Variants in PALS2 observed in about 807,000 individuals in gnomAD.
PALS2 encodes the protein protein associated with LIN7 2, MAGUK p55 family member.
A neutral mutation model predicts 61.6 loss-of-function variants in PALS2; 27 were observed. The observed-to-expected ratio is 0.44, with a 90% CI of 0.32 to 0.60. PALS2 has a LOEUF of 0.60. Ranked by LOEUF, PALS2 falls within the 20% of genes least tolerant of loss-of-function variation. The pLI, the probability that PALS2 is intolerant of heterozygous loss-of-function variation, is 0.05. For missense variants in PALS2, 554 were observed against 639.4 expected, an observed-to-expected ratio of 0.87 and a Z score of 1.44; for synonymous variants, 236 against 218.6, an observed-to-expected ratio of 1.08 and a Z score of -0.70.
intron 2 of PALS2, among the ~76,000 whole-genome samples, chr7:24,632,653 C>T (rs1436134456): frequency 6.6e-5 from 10 of 152,136 alleles, no homozygotes; most frequent in Admixed American, 6.5e-4. Context: ...TCCCAAAATG[C>T]TAGGATTACA....
chr7:24,584,438 T>C (rs1391807269), intron 1 of PALS2, among the ~76,000 whole-genome samples: 2 of 149,886 alleles, frequency 1.3e-5, no homozygotes, highest in Admixed American at 6.7e-5. Context: ...TTTCATGTGT[T>C]TTTTGGCTGC....
chr7:24,625,324 T>C (rs1784695486), intron 2 of PALS2, among the ~76,000 whole-genome samples: 1 of 152,222 alleles, frequency 6.6e-6, no homozygotes, highest in Admixed American at 6.5e-5. Context: ...TTTATAGCTT[T>C]TGATCTATAG....
chr7:24,649,410 G>A (rs1450481464), intron 3 of PALS2, among the ~76,000 whole-genome samples: 1 of 151,736 alleles, frequency 6.6e-6, no homozygotes, highest in Non-Finnish European at 1.5e-5. Flanking sequence ...ATATAATATT[G>A]TTTGATGATA....
At chr7:24,642,690 G>A (rs948311790) in intron 3 of PALS2, among the ~76,000 whole-genome samples, 4 of 152,120 alleles carry the variant, frequency 2.6e-5, no homozygotes, top group Admixed American at 6.6e-5. Context: ...AAGATTTTAT[G>A]TGACTCTTCA....
chr7:24,606,621 G>GT (rs1245649613), intron 1 of PALS2, among the ~76,000 whole-genome samples: 2 of 151,624 alleles, frequency 1.3e-5, no homozygotes, highest in Non-Finnish European at 2.9e-5. Flanking sequence ...GTTTCATTTT[G>GT]TTTTTTTGAG....
chr7:24,623,870 T>C (rs970136897), intron 2 of PALS2, 86 bp downstream of exon 2: 1 of 1,115,864 alleles, frequency 9.0e-7, no homozygotes, highest in Non-Finnish European at 1.3e-6. Context: ...TTTTAGAATT[T>C]GGTTGATATA....
chr7:24,655,502 C>G (rs1202438072), intron 5 of PALS2, among the ~76,000 whole-genome samples: 1 of 151,932 alleles, frequency 6.6e-6, no homozygotes, highest in Non-Finnish European at 1.5e-5. Context: ...TTTTAGGTGG[C>G]AAGTGCATAG....
At chr7:24,603,496 A>T (rs1333746484) in intron 1 of PALS2, among the ~76,000 whole-genome samples, 1 of 152,200 alleles carries the variant, frequency 6.6e-6, no homozygotes, top group Non-Finnish European at 1.5e-5. Context: ...CCACATAGAG[A>T]CCCAGGAGAG....
chr7:24,649,249 T>A (rs932517230), intron 3 of PALS2, among the ~76,000 whole-genome samples: 4 of 151,998 alleles, frequency 2.6e-5, no homozygotes, highest in Non-Finnish European at 4.4e-5. Flanking sequence ...GTAAATAGGA[T>A]TGATGGTAAA....
chr7:24,668,735 T>G, intron 9 of PALS2, 75 bp downstream of exon 9: 1 of 1,493,282 alleles, frequency 6.7e-7, no homozygotes, highest in East Asian at 2.3e-5. Context: ...GGGGGATTAT[T>G]ATCATTAGTT....
chr7:24,663,495 AG>A, intron 5 of PALS2, 94 bp from the exon 6 acceptor site: 2 of 1,180,834 alleles, frequency 1.7e-6, no homozygotes, highest in Non-Finnish European at 2.3e-6. Flanking sequence ...ATACATTGTC[AG>A]TTACAATTAA....
At position 24,693,079 on chromosome 7, in the gene PALS2, T is replaced by TC. The variant is rs1788548932; in HGVS notation, c.*5469dup. 4 of 152,262 alleles carry TC rather than the reference T, an allele frequency of 2.6e-5. No homozygotes were observed. The South Asian group carries it at 8.3e-4, about 32-fold the overall frequency. The allele number at this position is 152,262 out of a possible 1,614,324, so 9.4% of individuals were successfully genotyped here. A position where few individuals can be genotyped will look rare whatever the true frequency, so the allele number is the denominator to read the frequency against. On this transcript the variant is annotated 3_prime_UTR_variant, in exon 12 of 12. Coordinates refer to ENST00000222644, the MANE Select transcript of PALS2 (RefSeq NM_001303037.2). ...GAAGGGATAGTTCTCTTCCTTTTTTTCCCCTCCTACTGGCTCTTACTGTTT... is the reference window on the plus strand; with the variant it reads ...GAAGGGATAGTTCTCTTCCTTTTTTTCCCCCTCCTACTGGCTCTTACTGTTT...
At chr7:24,655,628 AG>A (rs1786373730) in intron 5 of PALS2, among the ~76,000 whole-genome samples, 1 of 135,024 alleles carries the variant, frequency 7.4e-6, no homozygotes, top group African/African-American at 2.8e-5. Context: ...AGTAGTTAGT[AG>A]ATTTTTTTTT....
chr7:24,603,048 C>A (rs1312806519), intron 1 of PALS2, among the ~76,000 whole-genome samples: 1 of 152,194 alleles, frequency 6.6e-6, no homozygotes, highest in African/African-American at 2.4e-5. Flanking sequence ...ATAAATTACC[C>A]AGTCTTGGGT....
In PALS2 at chr7:24,578,128, G is replaced by T. The variant is rs114401199; in HGVS notation, c.-3+4535G>T. Among the ~76,000 whole-genome samples the T allele has an allele frequency of 1.8e-3, 270 of 152,058 alleles. 1 individual carries two copies. Among genetic ancestry groups the T allele is most frequent in the African/African-American group, 6.3e-3 (261 of 41,496 alleles). On this transcript the variant is annotated intron_variant, in intron 1 of 11. Coordinates refer to ENST00000222644, the MANE Select transcript of PALS2 (RefSeq NM_001303037.2). ...GAGCTAATTAAAAAAAAAAAATTCTGTAGAAATGGAGTCTTGCTGTGTGTG... is the reference window on the plus strand; with the variant it reads ...GAGCTAATTAAAAAAAAAAAATTCTTTAGAAATGGAGTCTTGCTGTGTGTG...
intron 2 of PALS2, among the ~76,000 whole-genome samples, chr7:24,635,865 T>C (rs1344648693): frequency 6.6e-6 from 1 of 152,156 alleles, no homozygotes; most frequent in Non-Finnish European, 1.5e-5. Context: ...GTAATCTTGC[T>C]ACATGTTATT....
intron 1 of PALS2, among the ~76,000 whole-genome samples, chr7:24,599,505 C>CTTTTT (rs1159029178): frequency 0.014 from 1,630 of 116,532 alleles, 93 homozygotes; most frequent in African/African-American, 0.054. Flanking sequence ...CTTCTATAAG[C>CTTTTT]TTTTTTTTTT....
intron 3 of PALS2, among the ~76,000 whole-genome samples, chr7:24,644,354 C>G (rs1306428325): frequency 6.6e-6 from 1 of 152,008 alleles, no homozygotes; most frequent in African/African-American, 2.4e-5. Flanking sequence ...TGAGAACATG[C>G]ATTATTTGGT....
At position 24,650,680 on chromosome 7, in the gene PALS2, C is replaced by T; in HGVS notation, c.619C>T (p.Pro207Ser). 1 of 1,604,804 alleles carries T rather than the reference C, an allele frequency of 6.2e-7. No individual in the cohort carries two copies. The highest frequency in any genetic ancestry group is 1.7e-5 in the Admixed American group (1 of 59,850). The change falls in exon 5 of 12, where the codon CCA (proline) becomes TCA (serine). Residue 207 changes from proline to serine, a missense_variant. Pro to Ser is a moderately conservative substitution (Grantham distance 74). Transcript: ENST00000222644. ...TGGAAGTGTCACCCTAAAAATCTTA[C>T]CAAGTTATAGAGATACCATTACTCC... ...ISGSVTLKIL[P>S]SYRDTITPQQ...
Sources: allele counts gnomAD v4.1 joint callset (sites outside exome capture counted in the v4.1 genomes callset), GRCh38; gene constraint gnomAD v4.1.1; transcripts MANE v1.5; gene names NCBI Gene and HGNC (gene_info 2026-07-23, HGNC 2026-07-21).